The following IGF2BP1 variants were observed in gnomAD, a reference collection of about 807,000 sequenced individuals.
IGF2BP1 encodes the protein insulin like growth factor 2 mRNA binding protein 1, also known as insulin-like growth factor 2 mRNA-binding protein 1.
IGF2BP1 carries 11 observed loss-of-function variants against 74.9 expected under a neutral mutation model. That is an observed-to-expected ratio of 0.15 (90% CI 0.09 to 0.24). IGF2BP1 has a LOEUF of 0.24. Ranked by LOEUF, IGF2BP1 falls within the 10% of genes least tolerant of loss-of-function variation. The pLI, the probability that IGF2BP1 is intolerant of heterozygous loss-of-function variation, is 1.00. For missense variants in IGF2BP1, 440 were observed against 757.4 expected (o/e 0.58, Z 4.92); for synonymous variants, 287 against 281.8 (o/e 1.02, Z -0.18).
At chr17:49,008,624 T>A (rs2041579534) in intron 2 of IGF2BP1, among the ~76,000 whole-genome samples, 1 of 152,182 alleles carries the variant, frequency 6.6e-6, no homozygotes, top group South Asian at 2.1e-4. Flanking sequence ...TTTAAACTTC[T>A]AACTAAAAGA....
intron 6 of IGF2BP1, among the ~76,000 whole-genome samples, chr17:49,038,794 G>C (rs562090829): frequency 1.3e-5 from 2 of 152,128 alleles, no homozygotes; most frequent in South Asian, 4.2e-4. Flanking sequence ...GTGGTAACAG[G>C]GCTGGCCAAC....
intron 5 of IGF2BP1, 91 bp from the exon 6 acceptor site, chr17:49,038,077 G>A (rs2042009061): frequency 1.7e-6 from 2 of 1,194,968 alleles, no homozygotes; most frequent in Non-Finnish European, 2.2e-6. Context: ...TGTGTTCCAA[G>A]CTGTAACTTA....
intron 6 of IGF2BP1, 130 bp from the exon 7 acceptor site, chr17:49,039,827 G>C: frequency 1.0e-6 from 1 of 955,416 alleles, no homozygotes; most frequent in Non-Finnish European, 1.6e-6. Flanking sequence ...TCCCAAAGTT[G>C]TACTTGATTG....
chr17:49,031,773 A>G (rs909744247), intron 4 of IGF2BP1, 137 bp from the exon 5 acceptor site: 3 of 756,190 alleles, frequency 4.0e-6, no homozygotes, highest in Non-Finnish European at 6.8e-6. Flanking sequence ...AGATGCTAGG[A>G]TTTGCAGTTG....
chr17:49,045,314 A>G (rs553150289), intron 12 of IGF2BP1, among the ~76,000 whole-genome samples: 77 of 152,366 alleles, frequency 5.1e-4, no homozygotes, highest in Admixed American at 1.4e-3. Flanking sequence ...GTCTGAGGGC[A>G]TCTTATTTGC....
chr17:49,035,252 A>G (rs2041972780), intron 5 of IGF2BP1, among the ~76,000 whole-genome samples: 1 of 152,252 alleles, frequency 6.6e-6, no homozygotes, highest in South Asian at 2.1e-4. Context: ...CCACATGACA[A>G]AAGATGAATT....
chr17:49,013,681 G>T (rs2041652002), intron 2 of IGF2BP1: 1 of 152,488 alleles, frequency 6.6e-6, no homozygotes, highest in Non-Finnish European at 1.5e-5. Flanking sequence ...CAGAGCGGGA[G>T]ACTGCCCCTC....
At chr17:49,001,071 G>T (rs1329462074) in intron 2 of IGF2BP1, among the ~76,000 whole-genome samples, 1 of 152,156 alleles carries the variant, frequency 6.6e-6, no homozygotes, top group Non-Finnish European at 1.5e-5. Context: ...GGTTGGTGGT[G>T]AGAAGGCACT....
chr17:48,998,072 C>T (rs982756551), intron 1 of IGF2BP1, 152 bp downstream of exon 1: 1 of 724,018 alleles, frequency 1.4e-6, no homozygotes, highest in East Asian at 2.9e-5. Flanking sequence ...CCTTCGATGC[C>T]CCCTCCCTCG....
At chr17:49,014,828 A>G (rs1013803263) in intron 2 of IGF2BP1, 32 of 985,132 alleles carry the variant, frequency 3.2e-5, no homozygotes, top group East Asian at 1.1e-4. Flanking sequence ...GGTCCTTCTC[A>G]TGGTGCGGTG....
chr17:49,038,299 G>A lies in IGF2BP1; in HGVS notation c.533G>A (p.Arg178His), dbSNP rs1454481322. The A allele has an allele frequency of 4.4e-6, 7 of 1,604,784 alleles. No individual in the cohort carries two copies. Among genetic ancestry groups the A allele is most frequent in the Admixed American group, 3.4e-5 (2 of 58,316 alleles). Residue 178 changes from arginine to histidine, a missense_variant, in exon 6 of 15, where the codon CGC becomes CAC. Coordinates refer to ENST00000290341, the MANE Select transcript of IGF2BP1 (RefSeq NM_006546.4). ...GGCTTTGGCTCTCGGGGTCAGCCCC[G>A]CCAGGGCTCACCTGTGGCAGCGGGG... ...RGGFGSRGQP[R>H]QGSPVAAGAP...
chr17:49,021,889 C>A (rs2041797171), intron 2 of IGF2BP1, among the ~76,000 whole-genome samples: 1 of 152,160 alleles, frequency 6.6e-6, no homozygotes, highest in Non-Finnish European at 1.5e-5. Flanking sequence ...GACCCTTTAA[C>A]TGGGGAGATG....
intron 11 of IGF2BP1, 62 bp from the exon 12 acceptor site, chr17:49,044,929 A>C: frequency 2.2e-6 from 3 of 1,379,320 alleles, no homozygotes; most frequent in Non-Finnish European, 2.1e-6. Context: ...AACTGGATGA[A>C]GTGGACATGG....
At position 49,055,817 on chromosome 17, in the gene IGF2BP1, A is replaced by T. The variant is rs1051726334; in HGVS notation, c.*6373A>T. ...ATGAGTGCAAATTGGGAAGAGCTGG[A>T]GGCCTACTGCTTGGGACAGTTTTTT... On this transcript the variant is annotated 3_prime_UTR_variant, in exon 15 of 15. Coordinates refer to ENST00000290341, the MANE Select transcript of IGF2BP1 (RefSeq NM_006546.4). 6.9e-6 allele frequency among the ~76,000 whole-genome samples: 1 copy of T among 145,074 alleles called. No homozygotes were observed. The highest frequency in any genetic ancestry group is 1.5e-5 in the Non-Finnish European group (1 of 66,950).
intron 2 of IGF2BP1, 128 bp from the exon 3 acceptor site, chr17:49,025,490 T>C (rs1598142691): frequency 9.7e-6 from 8 of 828,906 alleles, no homozygotes; most frequent in African/African-American, 1.7e-5. Context: ...TTCTTAGATT[T>C]TAAGACTATG....
intron 2 of IGF2BP1, among the ~76,000 whole-genome samples, chr17:49,022,213 G>T (rs75121829): frequency 0.013 from 1,972 of 152,258 alleles, 39 homozygotes; most frequent in South Asian, 0.081. Flanking sequence ...CCCCAGCTCA[G>T]CCTACACCAG....
intron 3 of IGF2BP1, 111 bp downstream of exon 3, chr17:49,025,777 G>C: frequency 2.4e-6 from 2 of 836,448 alleles, no homozygotes; most frequent in Non-Finnish European, 2.0e-6. Context: ...GCCAGGCTAG[G>C]GAGGCCTGGG....
intron 2 of IGF2BP1, among the ~76,000 whole-genome samples, chr17:49,019,748 T>C (rs922897883): frequency 2.0e-5 from 3 of 150,772 alleles, no homozygotes; most frequent in African/African-American, 2.4e-5. Flanking sequence ...ACTTATACTT[T>C]ATTTATTTAG....
At chr17:49,041,521 CCT>C in intron 8 of IGF2BP1, 21 bp downstream of exon 8, 3 of 1,613,688 alleles carry the variant, frequency 1.9e-6, no homozygotes, top group Non-Finnish European at 1.7e-6. Flanking sequence ...CTTCTATTTC[CCT>C]GTTTATGAGT....
Sources: gnomAD v4.1 joint callset for allele counts (sites outside exome capture counted in the v4.1 genomes callset) on GRCh38, gnomAD v4.1.1 for gene constraint, MANE v1.5 for transcripts, NCBI Gene and HGNC (gene_info 2026-07-23, HGNC 2026-07-21) for gene names.